The following CTNND2 variants were observed in gnomAD, a reference collection of about 807,000 sequenced individuals.
The protein encoded by CTNND2 is catenin delta 2.
CTNND2 carries 22 observed loss-of-function variants against 144.4 expected under a neutral mutation model. The ratio of observed to expected loss-of-function variants is 0.15; its 90% confidence interval spans 0.11 to 0.22. CTNND2 has a LOEUF of 0.22. CTNND2 is among the 10% of genes least tolerant of loss of function. The pLI, the probability that CTNND2 is intolerant of heterozygous loss-of-function variation, is 1.00. For synonymous variants in CTNND2, 751 were observed against 695.6 expected (o/e 1.08, Z -1.25); for missense variants, 1,353 against 1,618.8 (o/e 0.84, Z 2.82).
chr5:11,042,041 G>A (rs575978575), intron 16 of CTNND2, among the ~76,000 whole-genome samples: 3 of 152,302 alleles, frequency 2.0e-5, no homozygotes, highest in South Asian at 4.1e-4. Context: ...AAACTTATGA[G>A]AATAGAGAAA....
At chr5:11,481,615 G>A (rs1027247720) in intron 3 of CTNND2, among the ~76,000 whole-genome samples, 5 of 151,972 alleles carry the variant, frequency 3.3e-5, no homozygotes, top group Non-Finnish European at 7.4e-5. Context: ...GGGAGAGGGA[G>A]GGAGAGACGG....
In CTNND2 at chr5:10,972,111, G is replaced by C. The variant is rs1464348262; in HGVS notation, c.*1342C>G. 1 of 152,628 alleles carries C rather than the reference G, an allele frequency of 6.6e-6. No homozygotes were observed. The highest frequency in any genetic ancestry group is 1.9e-4 in the East Asian group (1 of 5,204). The allele number at this position is 152,628 out of a possible 1,614,324, so 9.5% of individuals were successfully genotyped here. On this transcript the variant is annotated 3_prime_UTR_variant, in exon 22 of 22. Transcript: ENST00000304623. ...AGGCGAGCAGTTTACATTTTCTGTG[G>C]ATACTTCAAGTAATTGGCCCCAAAG...
chr5:11,362,121 C>A (rs1050665650), intron 8 of CTNND2, among the ~76,000 whole-genome samples: 1 of 152,128 alleles, frequency 6.6e-6, no homozygotes, highest in Admixed American at 6.5e-5. Flanking sequence ...GCCTGCAAAC[C>A]TCTTAGAGTT....
intron 12 of CTNND2, among the ~76,000 whole-genome samples, chr5:11,150,604 G>C: frequency 1.4e-5 from 2 of 146,436 alleles, no homozygotes; most frequent in Non-Finnish European, 3.0e-5. Context: ...TGAGGCCTCT[G>C]AACTGCTGCC....
intron 2 of CTNND2, among the ~76,000 whole-genome samples, chr5:11,590,206 C>T (rs1045950941): frequency 5.3e-5 from 8 of 151,864 alleles, no homozygotes; most frequent in African/African-American, 1.9e-4. Context: ...TCACCAGGCC[C>T]GGGTAATTTT....
At chr5:11,359,944 G>A (rs1406056266) in intron 8 of CTNND2, among the ~76,000 whole-genome samples, 1 of 152,152 alleles carries the variant, frequency 6.6e-6, no homozygotes, top group Non-Finnish European at 1.5e-5. Context: ...GGAGAGGTGA[G>A]GAGTAGGACT....
chr5:11,870,345 G>C (rs1173091953), intron 1 of CTNND2, among the ~76,000 whole-genome samples: 1 of 152,160 alleles, frequency 6.6e-6, no homozygotes, highest in Admixed American at 6.5e-5. Context: ...CAGTTATCCA[G>C]TCCATAATGC....
intron 1 of CTNND2, among the ~76,000 whole-genome samples, chr5:11,895,272 C>T (rs1328864297): frequency 6.6e-6 from 1 of 152,134 alleles, no homozygotes; most frequent in Non-Finnish European, 1.5e-5. Context: ...AAGCAAACGC[C>T]AGAATTACAG....
chr5:11,508,669 C>T (rs26166), intron 3 of CTNND2, among the ~76,000 whole-genome samples: 80,322 of 152,032 alleles, frequency 0.53, 21,662 homozygotes, highest in Middle Eastern at 0.61. Context: ...CCCAGCACTA[C>T]GGGAGGCCGA....
At chr5:11,051,768 G>T (rs966132357) in intron 16 of CTNND2, among the ~76,000 whole-genome samples, 1 of 152,188 alleles carries the variant, frequency 6.6e-6, no homozygotes, top group African/African-American at 2.4e-5. Flanking sequence ...TTGATAGTCT[G>T]ATATTTTGTT....
chr5:11,616,799 G>A (rs975761351), intron 2 of CTNND2, among the ~76,000 whole-genome samples: 7 of 152,106 alleles, frequency 4.6e-5, no homozygotes, highest in African/African-American at 1.4e-4. Flanking sequence ...CAGAGACAGC[G>A]TTTCGCCATG....
chr5:11,017,565 TATATATATATATCTTTCC>T (rs1463292643), intron 18 of CTNND2, among the ~76,000 whole-genome samples: 64 of 143,106 alleles, frequency 4.5e-4, no homozygotes, highest in East Asian at 2.8e-3. Context: ...TATATATACA[TATATATATATATCTTTCC>T]ATATATATAT....
chr5:11,431,652 C>T (rs541331878), intron 3 of CTNND2, among the ~76,000 whole-genome samples: 25 of 152,306 alleles, frequency 1.6e-4, no homozygotes, highest in Non-Finnish European at 3.2e-4. Flanking sequence ...AGAGGGGCCA[C>T]ATAGAGAAGC....
chr5:11,311,749 T>C (rs558861132), intron 9 of CTNND2, among the ~76,000 whole-genome samples: 27 of 117,378 alleles, frequency 2.3e-4, no homozygotes, highest in African/African-American at 8.8e-4. Context: ...GCCCATATGC[T>C]CACACACTCA....
chr5:11,472,153 T>G (rs887596983), intron 3 of CTNND2, among the ~76,000 whole-genome samples: 5 of 152,278 alleles, frequency 3.3e-5, no homozygotes, highest in South Asian at 2.1e-4. Flanking sequence ...TTAAATTTTT[T>G]GGGGGGGATC....
At chr5:11,268,479 G>A (rs1745673774) in intron 9 of CTNND2, among the ~76,000 whole-genome samples, 1 of 152,102 alleles carries the variant, frequency 6.6e-6, no homozygotes, top group Non-Finnish European at 1.5e-5. Flanking sequence ...CAGCTACTCA[G>A]TGTTGGGGGC....
chr5:11,199,759 T>A lies in CTNND2; in HGVS notation c.1762-98A>T. Reference sequence around the variant, plus strand: ...ATATAAAGTATCTGCTAACAATTAATCGCACCAAACTGAATTAAGGCATAC... The same window carrying A: ...ATATAAAGTATCTGCTAACAATTAAACGCACCAAACTGAATTAAGGCATAC... On this transcript the variant is annotated intron_variant, in intron 10 of 21. Coordinates refer to ENST00000304623, the MANE Select transcript of CTNND2 (RefSeq NM_001332.4). The A allele has an allele frequency of 3.4e-6, 3 of 878,984 alleles. No individual in the cohort carries two copies. The Admixed American group carries it at 6.0e-5, about 18-fold the overall frequency. The allele number at this position is 878,984 out of a possible 1,614,324, so 54.4% of individuals were successfully genotyped here.
chr5:11,494,900 T>C (rs1769788788), intron 3 of CTNND2, among the ~76,000 whole-genome samples: 1 of 152,218 alleles, frequency 6.6e-6, no homozygotes, highest in Admixed American at 6.5e-5. Context: ...GTTCTCAGTA[T>C]TCCATTCAGA....
chr5:11,726,725 G>A (rs961069363), intron 2 of CTNND2, among the ~76,000 whole-genome samples: 7 of 152,102 alleles, frequency 4.6e-5, no homozygotes, highest in Non-Finnish European at 1.0e-4. Flanking sequence ...TTCTAATCTA[G>A]CATATAACAC....
Sources: gnomAD v4.1 joint callset for allele counts (sites outside exome capture counted in the v4.1 genomes callset) on GRCh38, gnomAD v4.1.1 for gene constraint, MANE v1.5 for transcripts, NCBI Gene and HGNC (gene_info 2026-07-23, HGNC 2026-07-21) for gene names.